The following MICU2 variants were observed in gnomAD, a reference collection of about 807,000 sequenced individuals.
The protein encoded by MICU2 is mitochondrial calcium uptake 2, also known as calcium uptake protein 2, mitochondrial.
Under a neutral mutation model 60.4 loss-of-function variants are expected in MICU2, and 64 were observed. That is an observed-to-expected ratio of 1.06 (90% CI 0.87 to 1.31). The LOEUF (loss-of-function observed/expected upper bound fraction) is 1.31, where lower values mean the gene tolerates loss of function less well. Among genes scored for constraint, MICU2 ranks in the 50% most tolerant of loss-of-function variants. The probability of loss-of-function intolerance (pLI) is 0.00; values close to 1 mark genes in which losing one functional copy is unlikely to be tolerated. For missense variants in MICU2, 569 were observed against 531.0 expected (o/e 1.07, Z -0.70); for synonymous variants, 201 against 175.0 (o/e 1.15, Z -1.17).
chr13:21,586,199 A>C (rs1888453193), intron 1 of MICU2, among the ~76,000 whole-genome samples: 1 of 152,204 alleles, frequency 6.6e-6, no homozygotes. Context: ...GTAGCAGACT[A>C]AGATCCCTCT....
At chr13:21,493,905 GTAAAGGTTAGGAAA>G (rs1031595929) in intron 11 of MICU2, among the ~76,000 whole-genome samples, 1 of 152,094 alleles carries the variant, frequency 6.6e-6, no homozygotes, top group Admixed American at 6.6e-5. Flanking sequence ...AAATGAAAAG[GTAAAGGTTAGGAAA>G]TATTTGGATC....
chr13:21,494,946 TTAAA>T (rs1382833311), intron 11 of MICU2, among the ~76,000 whole-genome samples: 2 of 152,208 alleles, frequency 1.3e-5, no homozygotes, highest in Non-Finnish European at 2.9e-5. Flanking sequence ...CACAGTCACT[TTAAA>T]TAGTGATTTC....
chr13:21,521,381 GTAGA>G (rs1886713916), intron 5 of MICU2, 54 bp from the exon 6 acceptor site: 3 of 1,445,704 alleles, frequency 2.1e-6, no homozygotes, highest in South Asian at 2.5e-5. Flanking sequence ...CAAGTTATTT[GTAGA>G]TAGATAGGTC....
chr13:21,559,327 T>A (rs999597365), intron 2 of MICU2, among the ~76,000 whole-genome samples: 1 of 152,204 alleles, frequency 6.6e-6, no homozygotes, highest in Non-Finnish European at 1.5e-5. Context: ...TAAGGGACAG[T>A]TGAGTTGTTT....
At chr13:21,573,700 C>G (rs1342255650) in intron 1 of MICU2, among the ~76,000 whole-genome samples, 1 of 151,382 alleles carries the variant, frequency 6.6e-6, no homozygotes, top group East Asian at 1.9e-4. Flanking sequence ...CCGCTGCATT[C>G]AACCTTTTAA....
intron 9 of MICU2, among the ~76,000 whole-genome samples, chr13:21,498,781 C>A (rs1375196651): frequency 6.6e-6 from 1 of 150,902 alleles, no homozygotes; most frequent in East Asian, 2.0e-4. Flanking sequence ...GCTTTATTCT[C>A]TTAACAGTAT....
rs1017442951 is a variant in MICU2, at chr13:21,492,903, T to G, written c.*346A>C. The G allele has an allele frequency of 1.3e-5, 2 of 159,464 alleles. No individual in the cohort carries two copies. Among genetic ancestry groups the G allele is most frequent in the African/African-American group, 4.8e-5 (2 of 41,634 alleles). 9.9% of individuals were successfully genotyped at this position (159,464 alleles called of 1,614,324 possible). On this transcript the variant is annotated 3_prime_UTR_variant, in exon 12 of 12. Coordinates refer to ENST00000382374, the MANE Select transcript of MICU2 (RefSeq NM_152726.3). ...AGATGTCTGGAATTGATGCTGGCCT[T>G]GGTCTCAAGTACTTTTTCCCATATG...
chr13:21,591,089 C>T (rs576030258), intron 1 of MICU2, among the ~76,000 whole-genome samples: 140 of 151,374 alleles, frequency 9.2e-4, no homozygotes, highest in African/African-American at 3.2e-3. Flanking sequence ...CACAGACTGG[C>T]AAATTGAATA....
intron 2 of MICU2, among the ~76,000 whole-genome samples, chr13:21,560,021 C>G (rs1887803207): frequency 6.6e-6 from 1 of 152,056 alleles, no homozygotes; most frequent in African/African-American, 2.4e-5. Context: ...CTGTGAATGC[C>G]TACTTACTAC....
At chr13:21,593,449 T>C (rs1593360485) in intron 1 of MICU2, among the ~76,000 whole-genome samples, 1 of 151,570 alleles carries the variant, frequency 6.6e-6, no homozygotes, top group Non-Finnish European at 1.5e-5. Flanking sequence ...AAAAGTAATT[T>C]ATAGATTCAA....
chr13:21,493,431 T>C, intron 11 of MICU2, 78 bp from the exon 12 acceptor site: 1 of 980,774 alleles, frequency 1.0e-6, no homozygotes, highest in Non-Finnish European at 1.5e-6. Context: ...TACGTTACTG[T>C]TTATTTCCTT....
chr13:21,556,992 A>C (rs1593343286), intron 2 of MICU2, among the ~76,000 whole-genome samples: 9 of 152,218 alleles, frequency 5.9e-5, no homozygotes, highest in Admixed American at 5.9e-4. Flanking sequence ...AAGAACAACA[A>C]AGGGGAAAGA....
At position 21,549,919 on chromosome 13, in the gene MICU2, T is replaced by C. The variant is rs559656183; in HGVS notation, c.359-10231A>G. Among the ~76,000 whole-genome samples the C allele has an allele frequency of 3.9e-5, 6 of 152,248 alleles. No homozygotes were observed. The East Asian group carries it at 1.2e-3, about 29-fold the overall frequency. ...CTAATTATTAAGAAGTTAACAGAGG[T>C]TTAAGCTGTGACCTCAGGCTCGTGG... On this transcript the variant is annotated intron_variant, in intron 2 of 11. Transcript: ENST00000382374.
intron 7 of MICU2, among the ~76,000 whole-genome samples, chr13:21,512,186 T>C (rs1201383034): frequency 6.6e-6 from 1 of 152,228 alleles, no homozygotes; most frequent in Non-Finnish European, 1.5e-5. Context: ...TGGTTTTAAT[T>C]TGCATTGCGC....
intron 7 of MICU2, 32 bp downstream of exon 7, chr13:21,514,321 A>G (rs781768684): frequency 3.3e-6 from 5 of 1,528,642 alleles, no homozygotes; most frequent in Admixed American, 1.8e-5. Context: ...GCTATTATAA[A>G]TATCAATTGT....
chr13:21,551,996 G>A (rs1475753273), intron 2 of MICU2, among the ~76,000 whole-genome samples: 3 of 152,012 alleles, frequency 2.0e-5, no homozygotes, highest in Non-Finnish European at 2.9e-5. Flanking sequence ...CTAGATCCCT[G>A]AGGAATCGCC....
intron 1 of MICU2, among the ~76,000 whole-genome samples, chr13:21,575,518 TTTGGGA>T (rs1888205118): frequency 1.3e-5 from 2 of 149,516 alleles, no homozygotes; most frequent in South Asian, 4.2e-4. Flanking sequence ...AGCCCAAGAG[TTTGGGA>T]CCAGCCTGGG....
At chr13:21,498,216 A>G (rs2138129984) in intron 9 of MICU2, among the ~76,000 whole-genome samples, 1 of 152,264 alleles carries the variant, frequency 6.6e-6, no homozygotes, top group African/African-American at 2.4e-5. Context: ...AAATATTTCA[A>G]TAAAGTTTTT....
At chr13:21,531,101 G>A in intron 4 of MICU2, 1 of 968,560 alleles carries the variant, frequency 1.0e-6, no homozygotes, top group Non-Finnish European at 1.7e-6. Context: ...TACAACCAAG[G>A]CATAGTTCCC....
Sources: allele counts gnomAD v4.1 joint callset (sites outside exome capture counted in the v4.1 genomes callset), GRCh38; gene constraint gnomAD v4.1.1; transcripts MANE v1.5; gene names NCBI Gene and HGNC (gene_info 2026-07-23, HGNC 2026-07-21).